L3MBTL3: variants seen among roughly 807,000 people sequenced by gnomAD.
The protein encoded by L3MBTL3 is lethal(3)malignant brain tumor-like protein 3.
L3MBTL3 carries 27 observed loss-of-function variants against 102.3 expected under a neutral mutation model. The ratio of observed to expected loss-of-function variants is 0.26; its 90% CI spans 0.19 to 0.36. The LOEUF (loss-of-function observed/expected upper bound fraction) is 0.36. L3MBTL3 is among the 10% of genes least tolerant of loss of function. L3MBTL3 has a pLI of 1.00. For missense variants in L3MBTL3, 798 were observed against 955.3 expected, an observed-to-expected ratio of 0.84 and a Z score of 2.17; for synonymous variants, 340 against 320.9, an observed-to-expected ratio of 1.06 and a Z score of -0.64.
Position 130,051,476 on chromosome 6 carries a change from T to C in L3MBTL3, c.449+68T>C, listed in dbSNP as rs1781088266. 6.4e-6 allele frequency: 9 copies of C among 1,397,616 alleles called. No homozygotes were observed. In the Admixed American group the frequency reaches 1.6e-4, roughly 25 times the overall value. 86.6% of individuals were successfully genotyped at this position (1,397,616 alleles called of 1,614,324 possible). A position where few individuals can be genotyped will look rare whatever the true frequency, so the allele number is the denominator to read the frequency against. On this transcript the variant is annotated intron_variant, in intron 6 of 22. Coordinates refer to ENST00000361794, the MANE Select transcript of L3MBTL3 (RefSeq NM_032438.4). ...TCCAAAGTCATGGTGCCTGAGAATA[T>C]AGAAGTTTTATGCTCTCGGACATTG...
chr6:130,036,204 C>T (rs1780052405), intron 2 of L3MBTL3, among the ~76,000 whole-genome samples: 1 of 152,148 alleles, frequency 6.6e-6, no homozygotes, highest in East Asian at 1.9e-4. Flanking sequence ...GGGAGGAAGA[C>T]TTGGGGTGAC....
intron 3 of L3MBTL3, among the ~76,000 whole-genome samples, chr6:130,048,941 A>AAC (rs6149808): frequency 0.072 from 5,675 of 78,484 alleles, 151 homozygotes; most frequent in East Asian, 0.24. Context: ...TCTTAGTTAA[A>AAC]ACACACACAC....
intron 19 of L3MBTL3, among the ~76,000 whole-genome samples, chr6:130,115,788 C>T (rs766057173): frequency 8.5e-5 from 13 of 152,166 alleles, no homozygotes; most frequent in Non-Finnish European, 1.8e-4. Flanking sequence ...CCATTCAATA[C>T]AACTGAAATG....
intron 3 of L3MBTL3, among the ~76,000 whole-genome samples, chr6:130,044,393 CT>C (rs1337136913): frequency 6.6e-6 from 1 of 151,928 alleles, no homozygotes; most frequent in Non-Finnish European, 1.5e-5. Context: ...CTCTCAATGG[CT>C]TTTTTTAAAA....
chr6:130,091,250 A>G (rs929006504), intron 16 of L3MBTL3, among the ~76,000 whole-genome samples: 5 of 152,120 alleles, frequency 3.3e-5, no homozygotes, highest in East Asian at 1.9e-4. Flanking sequence ...TTATTGTTCA[A>G]TTTTTAGTGT....
chr6:130,124,978 A>G (rs755325966), intron 20 of L3MBTL3, among the ~76,000 whole-genome samples: 2 of 152,126 alleles, frequency 1.3e-5, no homozygotes, highest in Admixed American at 6.5e-5. Flanking sequence ...CTCAAAAAAA[A>G]AAAAATAAAA....
intron 18 of L3MBTL3, 76 bp downstream of exon 18, chr6:130,094,443 A>G (rs1245057164): frequency 4.8e-6 from 4 of 838,158 alleles, no homozygotes; most frequent in African/African-American, 1.8e-5. Context: ...TTTCATATAT[A>G]CTAAATTGAT....
At chr6:130,138,471 G>A (rs1426119962) in intron 22 of L3MBTL3, 1 of 152,184 alleles carries the variant, frequency 6.6e-6, no homozygotes, top group Non-Finnish European at 1.5e-5. Context: ...CCCTCTATAT[G>A]TGTCTCTTTC....
intron 12 of L3MBTL3, 27 bp from the exon 13 acceptor site, chr6:130,070,949 T>C: frequency 6.2e-7 from 1 of 1,605,192 alleles, no homozygotes; most frequent in Non-Finnish European, 8.5e-7. Flanking sequence ...TGTGCTTATC[T>C]CTAATTAAAT....
At position 130,044,551 on chromosome 6, in the gene L3MBTL3, G is replaced by A. The variant is rs147151685; in HGVS notation, c.102+1750G>A. Among the ~76,000 whole-genome samples, 8 of 152,206 alleles carry A rather than the reference G, an allele frequency of 5.3e-5. No individual in the cohort carries two copies. The East Asian group carries it at 1.2e-3, about 22-fold the overall frequency. On this transcript the variant is annotated intron_variant, in intron 3 of 22. Coordinates refer to ENST00000361794, the MANE Select transcript of L3MBTL3 (RefSeq NM_032438.4). ...GAAATTAACCTATTACTTGTATTAA[G>A]GTAATCAGGTAATTAAGCCATTTAG...
chr6:130,051,218 G>T, intron 5 of L3MBTL3, 31 bp from the exon 6 acceptor site: 3 of 1,576,592 alleles, frequency 1.9e-6, no homozygotes, highest in Non-Finnish European at 2.6e-6. Context: ...TGTCATGGTT[G>T]TAATTTGCAT....
chr6:130,024,643 G>A (rs1779221790), intron 2 of L3MBTL3, among the ~76,000 whole-genome samples: 1 of 152,124 alleles, frequency 6.6e-6, no homozygotes, highest in Non-Finnish European at 1.5e-5. Flanking sequence ...TGGTGGGTGG[G>A]ATGTACCGTT....
rs969789700 is a variant in L3MBTL3 at position 130,049,792 on chromosome 6, C to T, written c.251C>T (p.Pro84Leu). The T allele has an allele frequency of 6.8e-6, 11 of 1,613,922 alleles. No individual in the cohort carries two copies. In the African/African-American group the frequency reaches 1.1e-4, roughly 16 times the overall value. ...CCCCCGAGCTCCAGGCCCGTATTTCCACCTGCCTACTGGACATCTCCACCT... is the reference window on the plus strand; with the variant it reads ...CCCCCGAGCTCCAGGCCCGTATTTCTACCTGCCTACTGGACATCTCCACCT... Reference protein sequence around the residue: ...TSPPSSRPVFPPAYWTSPPGC... With the variant: ...TSPPSSRPVFLPAYWTSPPGC... The change falls in exon 5 of 23, where the codon CCA (proline) becomes CTA (leucine). Residue 84 changes from proline (P) to leucine (L), a missense_variant. Physicochemically the swap from Pro to Leu is moderately conservative, Grantham distance 98. Around this residue, in one of 4 missense-constraint regions of L3MBTL3, gnomAD observed 434 missense variants for 506.6 expected, o/e 0.86. Transcript: ENST00000361794.
At chr6:130,132,997 C>T (rs1787228753) in intron 20 of L3MBTL3, among the ~76,000 whole-genome samples, 1 of 117,700 alleles carries the variant, frequency 8.5e-6, no homozygotes, top group African/African-American at 2.5e-5. Context: ...CAAACCAAGC[C>T]CTGAGACAAA....
chr6:130,030,665 TAAAAAAAAAAAAAAAA>T (rs548921467), intron 2 of L3MBTL3, among the ~76,000 whole-genome samples: 3 of 48,532 alleles, frequency 6.2e-5, no homozygotes, highest in South Asian at 8.6e-4. Context: ...AGACTCTACC[TAAAAAAAAAAAAAAAA>T]AAAAAAAAAA....
chr6:130,024,506 T>C (rs1779212076), intron 2 of L3MBTL3, among the ~76,000 whole-genome samples: 2 of 152,174 alleles, frequency 1.3e-5, no homozygotes, highest in Admixed American at 1.3e-4. Flanking sequence ...CCCTGAGTAA[T>C]TGAGAGTTGA....
intron 3 of L3MBTL3, among the ~76,000 whole-genome samples, chr6:130,046,253 G>A (rs914532878): frequency 1.3e-5 from 2 of 152,166 alleles, no homozygotes; most frequent in Non-Finnish European, 2.9e-5. Flanking sequence ...CCTGCCTGCA[G>A]TAGCAGGCAG....
rs1269808916 is a variant in L3MBTL3, at chr6:130,140,198, C to CT, written c.*446dup. 6.3e-6 allele frequency: 1 copy of CT among 159,426 alleles called. No homozygotes were observed. Among genetic ancestry groups the CT allele is most frequent in the Non-Finnish European group, 1.4e-5 (1 of 72,938 alleles). The allele number at this position is 159,426 out of a possible 1,614,324, so 9.9% of individuals were successfully genotyped here. A position where few individuals can be genotyped will look rare whatever the true frequency, so the allele number is the denominator to read the frequency against. On this transcript the variant is annotated 3_prime_UTR_variant, in exon 23 of 23. Coordinates refer to ENST00000361794, the MANE Select transcript of L3MBTL3 (RefSeq NM_032438.4). ...TTAAACCAAATTAGTCGAAACCTGG[C>CT]TAAGTTTAGCCAGTAGGACTGTTAT...
chr6:130,099,203 A>G (rs773679434), intron 18 of L3MBTL3, among the ~76,000 whole-genome samples: 14 of 152,276 alleles, frequency 9.2e-5, no homozygotes, highest in East Asian at 1.9e-4. Flanking sequence ...ATGCACCTCA[A>G]TAAAGTACTT....
Sources: allele counts gnomAD v4.1 joint callset (sites outside exome capture counted in the v4.1 genomes callset), GRCh38; gene constraint gnomAD v4.1.1; regional missense constraint gnomAD v4.1.1; transcripts MANE v1.5; gene names NCBI Gene and HGNC (gene_info 2026-07-23, HGNC 2026-07-21).